The following PIK3R5 variants were observed in gnomAD, a reference collection of about 807,000 sequenced individuals.
The protein encoded by PIK3R5 is phosphoinositide-3-kinase regulatory subunit 5, also known as phosphoinositide 3-kinase regulatory subunit 5.
PIK3R5 carries 32 observed loss-of-function variants against 94.9 expected under a neutral mutation model. The observed-to-expected ratio is 0.34, with a 90% CI of 0.25 to 0.45. The LOEUF (loss-of-function observed/expected upper bound fraction) is 0.45. Among genes scored for constraint, PIK3R5 ranks in the 20% least tolerant of loss-of-function variants. The pLI, the probability that PIK3R5 is intolerant of heterozygous loss-of-function variation, is 1.00. For synonymous variants in PIK3R5, 443 were observed against 479.4 expected (o/e 0.92, Z 0.99); for missense variants, 853 against 1,144.6 (o/e 0.75, Z 3.68).
chr17:8,912,485 T>A (rs189187020), intron 1 of PIK3R5: 39 of 152,372 alleles, frequency 2.6e-4, no homozygotes, highest in African/African-American at 8.9e-4. Context: ...CTTGGGAAGA[T>A]AAAATGCTGT....
At chr17:8,929,789 A>G (rs2090955457) in intron 1 of PIK3R5, among the ~76,000 whole-genome samples, 1 of 152,030 alleles carries the variant, frequency 6.6e-6, no homozygotes, top group African/African-American at 2.4e-5. Flanking sequence ...GAGTTGTATA[A>G]CGGACATTGG....
At chr17:8,902,211 G>T (rs1384642133) in intron 5 of PIK3R5, among the ~76,000 whole-genome samples, 1 of 146,112 alleles carries the variant, frequency 6.8e-6, no homozygotes, top group Non-Finnish European at 1.5e-5. Context: ...TTTCTTAATG[G>T]ACTAAAAAAA....
At chr17:8,895,947 C>G (rs1300945993) in intron 5 of PIK3R5, among the ~76,000 whole-genome samples, 1 of 152,134 alleles carries the variant, frequency 6.6e-6, no homozygotes, top group African/African-American at 2.4e-5. Flanking sequence ...CCATCAACCC[C>G]CTTCCTTGGC....
In PIK3R5 at chr17:8,904,650, C is replaced by G; in HGVS notation, c.412+127G>C. ...AAGAGGAGACTCCATGTTTGTGAAC[C>G]AAGGCGTTGGCAGAGATGAATCAAA... On this transcript the variant is annotated intron_variant, in intron 5 of 18. Coordinates refer to ENST00000447110, the MANE Select transcript of PIK3R5 (RefSeq NM_001142633.3). This position sits in a 1 kb window ranked among gnomAD's most constrained non-coding sequence, Gnocchi z 5.1. The G allele has an allele frequency of 1.1e-6, 1 of 879,700 alleles. No individual in the cohort carries two copies. 54.5% of individuals were successfully genotyped at this position (879,700 alleles called of 1,614,324 possible).
In PIK3R5 at chr17:8,909,136, C is replaced by T. The variant is rs764813963; in HGVS notation, c.142G>A (p.Val48Ile). The T allele has an allele frequency of 1.9e-6, 3 of 1,607,130 alleles. No individual in the cohort carries two copies. The highest frequency in any genetic ancestry group is 2.2e-5 in the South Asian group (2 of 89,872). The change falls in exon 3 of 19, where the codon GTC becomes ATC. Residue 48 changes from valine (V) to isoleucine (I), a missense_variant. Coordinates refer to ENST00000447110, the MANE Select transcript of PIK3R5 (RefSeq NM_001142633.3). This position sits in a 1 kb window ranked among gnomAD's most constrained non-coding sequence, Gnocchi z 4.3. ...AGGAAGTGGCCCGGGTCCCTGCTGACCAGCTCCTGCAGGCTCCAGCAGTTC... is the reference window on the plus strand; with the variant it reads ...AGGAAGTGGCCCGGGTCCCTGCTGATCAGCTCCTGCAGGCTCCAGCAGTTC... ...CLNCWSLQEL[V>I]SRDPGHFLIL...
At chr17:8,885,865 C>T (rs1597373128) in intron 14 of PIK3R5, among the ~76,000 whole-genome samples, 1 of 127,156 alleles carries the variant, frequency 7.9e-6, no homozygotes. Context: ...GGTAACTCCG[C>T]CTCCCCATGG....
intron 5 of PIK3R5, among the ~76,000 whole-genome samples, chr17:8,902,443 C>T (rs1449789340): frequency 5.3e-5 from 8 of 151,684 alleles, no homozygotes; most frequent in East Asian, 3.9e-4. Context: ...TTAGTAGAGA[C>T]GGGTTTCACC....
At chr17:8,960,492 G>T (rs1323004168) in intron 1 of PIK3R5, among the ~76,000 whole-genome samples, 1 of 152,266 alleles carries the variant, frequency 6.6e-6, no homozygotes, top group Non-Finnish European at 1.5e-5. Flanking sequence ...AGTGTCCTCA[G>T]AGCTTGGCAC....
intron 1 of PIK3R5, among the ~76,000 whole-genome samples, chr17:8,932,302 C>G (rs969630346): frequency 2.0e-5 from 3 of 151,818 alleles, no homozygotes; most frequent in Non-Finnish European, 4.4e-5. Context: ...GGCGTGATCT[C>G]GGCTCACTGC....
intron 1 of PIK3R5, among the ~76,000 whole-genome samples, chr17:8,937,023 G>A (rs2091089521): frequency 6.6e-6 from 1 of 152,060 alleles, no homozygotes; most frequent in South Asian, 2.1e-4. Context: ...AGTGTAAATG[G>A]TATTGTATTT....
Position 8,890,715 on chromosome 17 carries a change from A to AGCCCCAG in PIK3R5, c.657+16_657+22dup. The stretch of plus-strand genomic sequence containing the variant: ...CCTCCTCAGAGAGGTGCTCCACCAG[A>AGCCCCAG]GCCCCAGGCCCCAGGTACATACCTG... On this transcript the variant is annotated intron_variant, in intron 7 of 18. Transcript: ENST00000447110. The surrounding 1 kb of genome is among the most constrained non-coding windows in gnomAD (Gnocchi z 6.1). The AGCCCCAG allele has an allele frequency of 6.3e-7, 1 of 1,588,174 alleles. No individual in the cohort carries two copies.
intron 5 of PIK3R5, among the ~76,000 whole-genome samples, chr17:8,898,710 C>T (rs1194878831): frequency 6.6e-6 from 1 of 152,192 alleles, no homozygotes; most frequent in African/African-American, 2.4e-5. Flanking sequence ...TCCTCGTCAT[C>T]ATCATCAACG....
intron 1 of PIK3R5, among the ~76,000 whole-genome samples, chr17:8,947,234 G>A (rs898235628): frequency 2.0e-5 from 3 of 152,154 alleles, no homozygotes; most frequent in East Asian, 1.9e-4. Flanking sequence ...GGTTGGAGCC[G>A]GGCTCTTAAA....
At chr17:8,895,013 C>T (rs909875392) in intron 5 of PIK3R5, among the ~76,000 whole-genome samples, 2 of 152,132 alleles carry the variant, frequency 1.3e-5, no homozygotes, top group East Asian at 1.9e-4. Flanking sequence ...TGGCCTTTTG[C>T]GTGATGTTTA....
At chr17:8,964,842 C>T (rs547008045) in intron 1 of PIK3R5, among the ~76,000 whole-genome samples, 1 of 152,338 alleles carries the variant, frequency 6.6e-6, no homozygotes, top group Admixed American at 6.5e-5. Flanking sequence ...CCCACCCCTC[C>T]TCTCTACTCC....
At position 8,880,798 on chromosome 17, in the gene PIK3R5, G is replaced by A. The variant is rs1302360637; in HGVS notation, c.2496-12C>T. 8.1e-6 allele frequency: 13 copies of A among 1,612,796 alleles called. No individual in the cohort carries two copies. The Admixed American group carries it at 1.2e-4, about 14-fold the overall frequency. On this transcript the variant is annotated splice_polypyrimidine_tract_variant and intron_variant, in intron 18 of 18. Coordinates refer to ENST00000447110, the MANE Select transcript of PIK3R5 (RefSeq NM_001142633.3). The stretch of plus-strand genomic sequence containing the variant: ...GTGAGACCTCACATCTGTGCAGCAG[G>A]GCAGGGGCCAGGGATCAGAGCAGGC...
Position 8,890,693 on chromosome 17 carries a change from C to T in PIK3R5, c.657+45G>A. 2 of 1,537,668 alleles carry T rather than the reference C, an allele frequency of 1.3e-6. No individual in the cohort carries two copies. Among genetic ancestry groups the T allele is most frequent in the Non-Finnish European group, 1.8e-6 (2 of 1,131,260 alleles). ...ATGAAGCAGGGAGAGGGTGCTACCTCCTCAGAGAGGTGCTCCACCAGAGCC... is the reference window on the plus strand; with the variant it reads ...ATGAAGCAGGGAGAGGGTGCTACCTTCTCAGAGAGGTGCTCCACCAGAGCC... On this transcript the variant is annotated intron_variant, in intron 7 of 18. Transcript: ENST00000447110. The surrounding 1 kb of genome is among the most constrained non-coding windows in gnomAD (Gnocchi z 6.1).
intron 5 of PIK3R5, among the ~76,000 whole-genome samples, chr17:8,901,748 T>C (rs998437049): frequency 3.3e-5 from 5 of 152,214 alleles, no homozygotes; most frequent in Admixed American, 1.3e-4. Flanking sequence ...ATTCAACATC[T>C]TTTGAGCTCA....
chr17:8,941,327 A>C (rs1295750643), intron 1 of PIK3R5, among the ~76,000 whole-genome samples: 3 of 152,160 alleles, frequency 2.0e-5, no homozygotes, highest in Non-Finnish European at 4.4e-5. Flanking sequence ...CTCCCCACGC[A>C]GTGATTCGGG....
Sources: allele counts gnomAD v4.1 joint callset (sites outside exome capture counted in the v4.1 genomes callset), GRCh38; gene constraint gnomAD v4.1.1; non-coding constraint Gnocchi (gnomAD v3.1); transcripts MANE v1.5; gene names NCBI Gene and HGNC (gene_info 2026-07-23, HGNC 2026-07-21).